Variants in EIF3A observed in about 807,000 individuals in gnomAD.
The protein encoded by EIF3A is EIF3, p180 subunit.
A neutral mutation model predicts 186.6 loss-of-function variants in EIF3A; 21 were observed. That is an observed-to-expected ratio of 0.11 (90% CI 0.08 to 0.16). EIF3A has a LOEUF of 0.16. Among genes scored for constraint, EIF3A ranks in the 10% least tolerant of loss-of-function variants. The pLI, the probability that EIF3A is intolerant of heterozygous loss-of-function variation, is 1.00. For missense variants in EIF3A, 1,306 were observed against 1,796.3 expected (o/e 0.73, Z 4.93); for synonymous variants, 563 against 584.3 (o/e 0.96, Z 0.52).
At chr10:119,057,317 C>T (rs1456591155) in intron 12 of EIF3A, among the ~76,000 whole-genome samples, 3 of 152,196 alleles carry the variant, frequency 2.0e-5, no homozygotes, top group Non-Finnish European at 2.9e-5. Flanking sequence ...ATCTGAAATG[C>T]TCCCAATTTT....
At chr10:119,064,906 C>T (rs1843946941) in intron 7 of EIF3A, among the ~76,000 whole-genome samples, 1 of 152,052 alleles carries the variant, frequency 6.6e-6, no homozygotes, top group African/African-American at 2.4e-5. Context: ...GACCGGGTTT[C>T]GCCATGTTTG....
intron 6 of EIF3A, among the ~76,000 whole-genome samples, chr10:119,068,049 G>C (rs1339585050): frequency 6.6e-6 from 1 of 152,108 alleles, no homozygotes. Flanking sequence ...AACCCTAAGT[G>C]ATCCACCCAC....
At chr10:119,053,257 T>G (rs527579842) in intron 14 of EIF3A, among the ~76,000 whole-genome samples, 21 of 152,314 alleles carry the variant, frequency 1.4e-4, no homozygotes, top group African/African-American at 5.1e-4. Context: ...CTAGGATTTT[T>G]GGAATGACGA....
At chr10:119,053,677 G>A (rs977104232) in intron 14 of EIF3A, among the ~76,000 whole-genome samples, 2 of 151,492 alleles carry the variant, frequency 1.3e-5, no homozygotes, top group African/African-American at 2.4e-5. Context: ...CTGAGATCAC[G>A]CCACTGCACT....
rs1171240799 is a variant in EIF3A at position 119,073,064 on chromosome 10, A to G, written c.378-11T>C. On this transcript the variant is annotated splice_polypyrimidine_tract_variant and intron_variant, in intron 3 of 21. Coordinates refer to ENST00000369144, the MANE Select transcript of EIF3A (RefSeq NM_003750.4). ...GCACTTAGGAGAACACTACAAAGAA[A>G]AAAATGTTGAAAACAATTTTAGACA... 1 of 1,586,200 alleles carries G rather than the reference A, an allele frequency of 6.3e-7. No individual in the cohort carries two copies. The highest frequency in any genetic ancestry group is 8.5e-7 in the Non-Finnish European group (1 of 1,171,088).
chr10:119,065,382 C>G lies in EIF3A; in HGVS notation c.1122+17G>C, dbSNP rs753971432. On this transcript the variant is annotated intron_variant, in intron 7 of 21. Transcript: ENST00000369144. ...TTTTCTGCCCAAAGCTACAAAAATC[C>G]TCAAATTAATACTAACCATATCATT... 1 of 1,578,938 alleles carries G rather than the reference C, an allele frequency of 6.3e-7. No homozygotes were observed. The highest frequency in any genetic ancestry group is 8.6e-7 in the Non-Finnish European group (1 of 1,158,194).
intron 20 of EIF3A, 78 bp downstream of exon 20, chr10:119,038,160 G>T: frequency 7.9e-7 from 1 of 1,268,412 alleles, no homozygotes; most frequent in Non-Finnish European, 1.1e-6. Flanking sequence ...CAGGTGATCC[G>T]CCCTCCCAAA....
chr10:119,044,846 T>G (rs1848260582), intron 17 of EIF3A, among the ~76,000 whole-genome samples: 1 of 151,852 alleles, frequency 6.6e-6, no homozygotes, highest in African/African-American at 2.4e-5. Flanking sequence ...AGCCTCTGTC[T>G]CAAAAAAATA....
Position 119,042,995 on chromosome 10 carries a change from G to C in EIF3A, c.2748-223C>G, listed in dbSNP as rs1324977073. Among the ~76,000 whole-genome samples, 2 of 151,360 alleles carry C rather than the reference G, an allele frequency of 1.3e-5. No individual in the cohort carries two copies. The highest frequency in any genetic ancestry group is 1.3e-4 in the Admixed American group (2 of 15,184). ...AAAACCCATCTCTACTTAATTGTAA[G>C]ACATGCGGCTGGGCACAGTCGCTCA... On this transcript the variant is annotated intron_variant, in intron 18 of 21. Coordinates refer to ENST00000369144, the MANE Select transcript of EIF3A (RefSeq NM_003750.4). The surrounding 1 kb of genome is among the most constrained non-coding windows in gnomAD (Gnocchi z 7.8).
chr10:119,069,664 G>C lies in EIF3A; in HGVS notation c.742-10C>G, dbSNP rs371071987. ...CAGCTTTGAATGCTTCCTAAAATTAGGAGTATAAATTAAAGTCATTGCATT... is the reference window on the plus strand; with the variant it reads ...CAGCTTTGAATGCTTCCTAAAATTACGAGTATAAATTAAAGTCATTGCATT... On this transcript the variant is annotated splice_polypyrimidine_tract_variant and intron_variant, in intron 5 of 21. Transcript: ENST00000369144. 2 of 1,450,086 alleles carry C rather than the reference G, an allele frequency of 1.4e-6. No individual in the cohort carries two copies. The highest frequency in any genetic ancestry group is 2.8e-5 in the African/African-American group (2 of 71,722). The allele number at this position is 1,450,086 out of a possible 1,614,324, so 89.8% of individuals were successfully genotyped here. A position where few individuals can be genotyped will look rare whatever the true frequency, so the allele number is the denominator to read the frequency against.
intron 1 of EIF3A, among the ~76,000 whole-genome samples, chr10:119,074,390 A>C (rs975241400): frequency 2.0e-5 from 3 of 152,000 alleles, no homozygotes; most frequent in Non-Finnish European, 4.4e-5. Flanking sequence ...ACTTGAACCC[A>C]GGAGGCGGAG....
intron 19 of EIF3A, among the ~76,000 whole-genome samples, chr10:119,041,333 G>T (rs1243783615): frequency 1.3e-5 from 2 of 152,206 alleles, no homozygotes; most frequent in African/African-American, 4.8e-5. Context: ...TTCACTTTGG[G>T]AGGGAGAGGC....
chr10:119,042,834 ATTTT>A lies in EIF3A; in HGVS notation c.2748-66_2748-63del, dbSNP rs796769658. ...TAAAAAAGCATATGATCCTTTGGGG[ATTTT>A]TTTTTTCACATGCTTTTTAAAAACT... On this transcript the variant is annotated intron_variant, in intron 18 of 21. Coordinates refer to ENST00000369144, the MANE Select transcript of EIF3A (RefSeq NM_003750.4). The surrounding 1 kb of genome is among the most constrained non-coding windows in gnomAD (Gnocchi z 7.8). 7.1e-7 allele frequency: 1 copy of A among 1,417,968 alleles called. No homozygotes were observed. The allele number at this position is 1,417,968 out of a possible 1,614,324, so 87.8% of individuals were successfully genotyped here. A position where few individuals can be genotyped will look rare whatever the true frequency, so the allele number is the denominator to read the frequency against.
At chr10:119,060,158 T>C in intron 9 of EIF3A, 1 of 499,268 alleles carries the variant, frequency 2.0e-6, no homozygotes. Flanking sequence ...GATGAAAATA[T>C]AATAAAACGC....
rs777763586 is a variant in EIF3A, at chr10:119,042,784, C to T, written c.2748-12G>A. Reference sequence around the variant, plus strand: ...CACGTCTCCACTCCCTACACAGCAACAAGAACAATTAAAAATATATAAAAT... The same window carrying T: ...CACGTCTCCACTCCCTACACAGCAATAAGAACAATTAAAAATATATAAAAT... On this transcript the variant is annotated splice_polypyrimidine_tract_variant and intron_variant, in intron 18 of 21. Coordinates refer to ENST00000369144, the MANE Select transcript of EIF3A (RefSeq NM_003750.4). The surrounding 1 kb of genome is among the most constrained non-coding windows in gnomAD (Gnocchi z 7.8). The T allele has an allele frequency of 4.4e-5, 68 of 1,554,350 alleles. No homozygotes were observed. The highest frequency in any genetic ancestry group is 5.7e-5 in the Non-Finnish European group (66 of 1,157,330).
At chr10:119,055,251 A>C (rs1848409890) in intron 14 of EIF3A, among the ~76,000 whole-genome samples, 1 of 151,572 alleles carries the variant, frequency 6.6e-6, no homozygotes, top group African/African-American at 2.4e-5. Flanking sequence ...AATAATAGGA[A>C]GGGTCAAGGA....
chr10:119,038,515 T>G (rs181640015), intron 19 of EIF3A, 76 bp from the exon 20 acceptor site: 88 of 1,181,336 alleles, frequency 7.4e-5, no homozygotes, highest in Admixed American at 8.7e-5. Flanking sequence ...TGAATAGACG[T>G]TGGCATTAAT....
chr10:119,050,681 T>A lies in EIF3A; in HGVS notation c.2320-7A>T, dbSNP rs560085473. On this transcript the variant is annotated splice_polypyrimidine_tract_variant and splice_region_variant and intron_variant, in intron 15 of 21. Coordinates refer to ENST00000369144, the MANE Select transcript of EIF3A (RefSeq NM_003750.4). ...CAAACTGTTTAAGTTTTTCCTGCAATCGAAGTAACCCCCAACCCAAAAAGG... is the reference window on the plus strand; with the variant it reads ...CAAACTGTTTAAGTTTTTCCTGCAAACGAAGTAACCCCCAACCCAAAAAGG... 3.1e-6 allele frequency: 5 copies of A among 1,613,794 alleles called. No individual in the cohort carries two copies. In the African/African-American group the frequency reaches 6.7e-5, roughly 22 times the overall value.
In EIF3A at chr10:119,057,373, C is replaced by A. The variant is rs1843798140; in HGVS notation, c.1978-333G>T. 2.0e-5 allele frequency among the ~76,000 whole-genome samples: 3 copies of A among 152,182 alleles called. No homozygotes were observed. In the East Asian group the frequency reaches 5.8e-4, roughly 29 times the overall value. ...ATGGTGCCACAAGTGTAAAATTCCA[C>A]ACCTGACCCATGTGACAGGTCAGTC... On this transcript the variant is annotated intron_variant, in intron 12 of 21. Transcript: ENST00000369144.
Sources: allele counts gnomAD v4.1 joint callset (sites outside exome capture counted in the v4.1 genomes callset), GRCh38; gene constraint gnomAD v4.1.1; non-coding constraint Gnocchi (gnomAD v3.1); transcripts MANE v1.5; gene names NCBI Gene and HGNC (gene_info 2026-07-23, HGNC 2026-07-21).